LZTS1: variants seen among roughly 807,000 people sequenced by gnomAD.
LZTS1 encodes leucine zipper putative tumor suppressor 1.
Under a neutral mutation model 45.8 loss-of-function variants are expected in LZTS1, and 31 were observed. The observed-to-expected ratio is 0.68, with a 90% CI of 0.51 to 0.91. LZTS1 has a LOEUF of 0.91. Ranked by LOEUF, LZTS1 falls within the 40% of genes least tolerant of loss-of-function variation. The pLI, the probability that LZTS1 is intolerant of heterozygous loss-of-function variation, is 0.00. For synonymous variants in LZTS1, 359 were observed against 357.3 expected (o/e 1.00, Z -0.05); for missense variants, 821 against 788.9 (o/e 1.04, Z -0.49).
chr8:20,300,547 T>A lies in LZTS1; in HGVS notation c.-135+3193A>T, dbSNP rs568286769. Among the ~76,000 whole-genome samples the A allele has an allele frequency of 2.0e-5, 3 of 152,122 alleles. No individual in the cohort carries two copies. In the East Asian group the frequency reaches 5.9e-4, roughly 30 times the overall value. On this transcript the variant is annotated intron_variant, in intron 1 of 3. Transcript: ENST00000381569. ...CGGTGTTTCACCGTGTTAGCCAGGA[T>A]GGTCTCGATCTCCTGACCTCGTGAT...
Position 20,250,042 on chromosome 8 carries a change from G to A in LZTS1, c.1471C>T (p.Pro491Ser). The change falls in exon 4 of 4, where the codon CCC becomes TCC. Residue 491 changes from proline (P) to serine (S), a missense_variant. Physicochemically the swap from Pro to Ser is moderately conservative, Grantham distance 74 (BLOSUM62 -1). Coordinates refer to ENST00000381569, the MANE Select transcript of LZTS1 (RefSeq NM_021020.5). ...QAALARDMGPPTFPEDVPALQ... is the reference protein window; with the variant it reads ...QAALARDMGPSTFPEDVPALQ... ...GCAGGGACGTCCTCGGGGAAGGTGG[G>A]CGGCCCCATGTCGCGGGCCAGGGCG... The A allele has an allele frequency of 6.2e-7, 1 of 1,609,454 alleles. No homozygotes were observed. Among genetic ancestry groups the A allele is most frequent in the Non-Finnish European group, 8.5e-7 (1 of 1,179,124 alleles).
chr8:20,294,901 C>T (rs1476034028), intron 1 of LZTS1, among the ~76,000 whole-genome samples: 1 of 151,832 alleles, frequency 6.6e-6, no homozygotes, highest in Non-Finnish European at 1.5e-5. Flanking sequence ...AGGGCTCATC[C>T]CCATATCCCT....
In LZTS1 at chr8:20,254,883, G is replaced by C. The variant is rs559961823; in HGVS notation, c.299C>G (p.Pro100Arg). ...LGGQAGVDFD[P>R]STPPKLMPFS... ...GGGCATGAGCTTGGGGGGTGTGGAC[G>C]GGTCAAAGTCCACCCCAGCCTGGCC... Residue 100 changes from proline to arginine, a missense_variant, in exon 2 of 4, where the codon CCG becomes CGG. Physicochemically the swap from Pro to Arg is moderately radical, Grantham distance 103. Coordinates refer to ENST00000381569, the MANE Select transcript of LZTS1 (RefSeq NM_021020.5). The C allele has an allele frequency of 2.9e-5, 46 of 1,613,926 alleles. No homozygotes were observed. Among genetic ancestry groups the C allele is most frequent in the Non-Finnish European group, 3.8e-5 (45 of 1,179,986 alleles).
chr8:20,254,429 G>A (rs1007331118), intron 2 of LZTS1, among the ~76,000 whole-genome samples: 3 of 152,138 alleles, frequency 2.0e-5, no homozygotes, highest in South Asian at 4.1e-4. Flanking sequence ...CGAGTCTCCC[G>A]GGGAGAGAAG....
intron 1 of LZTS1, among the ~76,000 whole-genome samples, chr8:20,272,028 A>G (rs1262915831): frequency 6.6e-6 from 1 of 152,170 alleles, no homozygotes; most frequent in Non-Finnish European, 1.5e-5. Flanking sequence ...TTCAATATTC[A>G]CAAGTACTTA....
intron 1 of LZTS1, chr8:20,289,694 T>A (rs1378895412): frequency 6.6e-6 from 1 of 152,248 alleles, no homozygotes; most frequent in East Asian, 1.9e-4. Flanking sequence ...AGGGACCCTA[T>A]CGCAGCACCA....
chr8:20,252,988 T>A lies in LZTS1; in HGVS notation c.943A>T (p.Asn315Tyr), dbSNP rs560975144. 6.9e-6 allele frequency: 11 copies of A among 1,588,846 alleles called. 1 individual carries two copies. In the South Asian group the frequency reaches 1.2e-4, roughly 18 times the overall value. The change falls in exon 3 of 4, where the codon AAC becomes TAC. Residue 315 changes from asparagine (N) to tyrosine (Y), a missense_variant. Asn to Tyr is a moderately radical substitution (Grantham distance 143, BLOSUM62 -2). Transcript: ENST00000381569. Reference protein sequence around the residue: ...ELEGPEPKGGNKLKQASQKSQ... With the variant: ...ELEGPEPKGGYKLKQASQKSQ... ...TTCTGCGAGGCCTGCTTGAGCTTGTTGCCGCCTTTGGGCTCCGGGCCCTCC... is the reference window on the plus strand; with the variant it reads ...TTCTGCGAGGCCTGCTTGAGCTTGTAGCCGCCTTTGGGCTCCGGGCCCTCC...
intron 1 of LZTS1, among the ~76,000 whole-genome samples, chr8:20,297,012 G>A (rs1035178210): frequency 5.9e-5 from 9 of 151,932 alleles, no homozygotes; most frequent in African/African-American, 1.7e-4. Context: ...TCCGTCTTCC[G>A]CCTCCCTTCG....
rs181362399 is a variant in LZTS1, at chr8:20,282,010, C to T, written c.-135+21730G>A. Among the ~76,000 whole-genome samples, 170 of 152,250 alleles carry T rather than the reference C, an allele frequency of 1.1e-3. 2 individuals are homozygous for T. Among genetic ancestry groups the T allele is most frequent in the Non-Finnish European group, 2.1e-3 (140 of 68,026 alleles). ...CCCCCTGACCTTCAGAAACAGGCTC[C>T]GTTCTCTCTGATGTTAGGACCTGAA... On this transcript the variant is annotated intron_variant, in intron 1 of 3. Transcript: ENST00000381569.
At chr8:20,290,241 C>T (rs1375384393) in intron 1 of LZTS1, 2 of 152,104 alleles carry the variant, frequency 1.3e-5, no homozygotes, top group Non-Finnish European at 2.9e-5. Flanking sequence ...AGGGTCGGGC[C>T]TGCTTAGGAC....
In LZTS1 at chr8:20,303,890, G is replaced by A. The variant is rs1454414077; in HGVS notation, c.-285C>T. On this transcript the variant is annotated 5_prime_UTR_variant, in exon 1 of 4. Transcript: ENST00000381569. Reference sequence around the variant, plus strand: ...CTCCCGGCTCCCACTCACTGGCCGAGGCGGGCAGAGAAACTTTCGGCCTCC... The same window carrying A: ...CTCCCGGCTCCCACTCACTGGCCGAAGCGGGCAGAGAAACTTTCGGCCTCC... The A allele has an allele frequency of 2.0e-6, 2 of 984,820 alleles. No homozygotes were observed. The highest frequency in any genetic ancestry group is 1.1e-4 in the East Asian group (1 of 8,794). 61.0% of individuals were successfully genotyped at this position (984,820 alleles called of 1,614,324 possible).
At chr8:20,289,279 T>A (rs998832685) in intron 1 of LZTS1, 1 of 152,210 alleles carries the variant, frequency 6.6e-6, no homozygotes, top group African/African-American at 2.4e-5. Flanking sequence ...GGACAGACCC[T>A]CCCCTCTGGA....
intron 1 of LZTS1, among the ~76,000 whole-genome samples, chr8:20,272,994 A>G (rs1290873328): frequency 1.3e-5 from 2 of 152,194 alleles, no homozygotes; most frequent in African/African-American, 4.8e-5. Flanking sequence ...AGAGAGACAG[A>G]ACATCATACT....
At chr8:20,295,227 T>C (rs1337671905) in intron 1 of LZTS1, among the ~76,000 whole-genome samples, 1 of 152,206 alleles carries the variant, frequency 6.6e-6, no homozygotes, top group Non-Finnish European at 1.5e-5. Context: ...GGGCAATGGA[T>C]GAGCTATCAG....
intron 1 of LZTS1, among the ~76,000 whole-genome samples, chr8:20,264,745 T>A (rs1008012361): frequency 6.6e-6 from 1 of 152,158 alleles, no homozygotes; most frequent in South Asian, 2.1e-4. Flanking sequence ...CTGCCCCAAA[T>A]GCTTCACTAC....
intron 1 of LZTS1, among the ~76,000 whole-genome samples, chr8:20,276,954 T>G (rs569488172): frequency 6.6e-6 from 1 of 152,294 alleles, no homozygotes; most frequent in African/African-American, 2.4e-5. Flanking sequence ...TCAGAGGCAT[T>G]TGAACCAGAG....
rs746804183 is a variant in LZTS1, at chr8:20,249,913, C to T, written c.1600G>A (p.Glu534Lys). ...TACTGAATCACCTTCTCCTTCTCCT[C>T]CTTCCACACGAGCCGCTCATGCTGG... is the stretch of plus-strand genomic sequence containing the variant. ...GFQHERLVWK[E>K]EKEKVIQYQK... The change falls in exon 4 of 4, where the codon GAG (glutamate) becomes AAG (lysine). Residue 534 changes from glutamate (E) to lysine (K), a missense_variant. Physicochemically the swap from Glu to Lys is moderately conservative, Grantham distance 56. Transcript: ENST00000381569. The T allele has an allele frequency of 6.2e-7, 1 of 1,614,182 alleles. No homozygotes were observed. Among genetic ancestry groups the T allele is most frequent in the South Asian group, 1.1e-5 (1 of 91,088 alleles).
chr8:20,256,001 G>A (rs763327085), intron 1 of LZTS1, among the ~76,000 whole-genome samples: 3 of 149,248 alleles, frequency 2.0e-5, no homozygotes, highest in Admixed American at 6.7e-5. Flanking sequence ...TCTGAGCCCC[G>A]GGGATCAAGG....
rs1799824852 is a variant in LZTS1, at chr8:20,249,579, C to T, written c.*143G>A. The T allele has an allele frequency of 9.7e-7, 1 of 1,030,392 alleles. No homozygotes were observed. Among genetic ancestry groups the T allele is most frequent in the Admixed American group, 2.8e-5 (1 of 35,612 alleles). 63.8% of individuals were successfully genotyped at this position (1,030,392 alleles called of 1,614,324 possible). A position where few individuals can be genotyped will look rare whatever the true frequency, so the allele number is the denominator to read the frequency against. On this transcript the variant is annotated 3_prime_UTR_variant, in exon 4 of 4. Transcript: ENST00000381569. ...ATCAGAGAGGGAAGGAAAGGCCATC[C>T]TGCCCTCCCCTCGGGGGTCCTGGGT... is the stretch of plus-strand genomic sequence containing the variant.
Sources: gnomAD v4.1 joint callset for allele counts (sites outside exome capture counted in the v4.1 genomes callset) on GRCh38, gnomAD v4.1.1 for gene constraint, MANE v1.5 for transcripts, NCBI Gene and HGNC (gene_info 2026-07-23, HGNC 2026-07-21) for gene names.